The following CEACAM8 variants were observed in gnomAD, a reference collection of about 807,000 sequenced individuals.
The protein encoded by CEACAM8 is cell adhesion molecule CEACAM8.
A neutral mutation model predicts 33.4 loss-of-function variants in CEACAM8; 31 were observed. That is an observed-to-expected ratio of 0.93 (90% CI 0.70 to 1.25). The LOEUF (loss-of-function observed/expected upper bound fraction) is 1.25. Ranked by LOEUF, CEACAM8 falls within the 50% of genes most tolerant of loss-of-function variation. The probability of loss-of-function intolerance (pLI) is 0.00; values close to 1 mark genes in which losing one functional copy is unlikely to be tolerated. For missense variants in CEACAM8, 388 were observed against 434.6 expected (o/e 0.89, Z 0.95); for synonymous variants, 138 against 164.5 (o/e 0.84, Z 1.23).
At chr19:42,590,589 G>A (rs1407032499) in intron 2 of CEACAM8, among the ~76,000 whole-genome samples, 1 of 152,214 alleles carries the variant, frequency 6.6e-6, no homozygotes, top group Non-Finnish European at 1.5e-5. Flanking sequence ...TGGACCGTGG[G>A]TGTTTGACAG....
chr19:42,583,432 CTTGTTTT>C, intron 4 of CEACAM8, 95 bp from the exon 5 acceptor site: 1 of 772,626 alleles, frequency 1.3e-6, no homozygotes, highest in Non-Finnish European at 2.2e-6. Flanking sequence ...GTAGTCTCTA[CTTGTTTT>C]TTCAAGGAAT....
intron 1 of CEACAM8, 65 bp from the exon 2 acceptor site, chr19:42,593,965 A>T (rs1236285645): frequency 2.7e-5 from 40 of 1,503,730 alleles, no homozygotes; most frequent in Non-Finnish European, 3.3e-5. Context: ...AAATGGGGAC[A>T]TCAGCTTTGG....
intron 5 of CEACAM8, among the ~76,000 whole-genome samples, chr19:42,582,679 G>A (rs539594869): frequency 1.1e-4 from 16 of 152,296 alleles, no homozygotes; most frequent in African/African-American, 3.6e-4. Context: ...AGTGTAGGAA[G>A]ACAGTTCTAA....
intron 4 of CEACAM8, among the ~76,000 whole-genome samples, chr19:42,585,944 C>A (rs1187126995): frequency 1.3e-5 from 2 of 151,948 alleles, no homozygotes; most frequent in African/African-American, 4.8e-5. Context: ...TATACACTAA[C>A]AATGAACAAT....
intron 4 of CEACAM8, among the ~76,000 whole-genome samples, chr19:42,588,293 C>T (rs865852218): frequency 1.8e-4 from 27 of 152,314 alleles, no homozygotes; most frequent in African/African-American, 5.8e-4. Context: ...CACCAGGGAG[C>T]TGGGAGCAGA....
At position 42,589,694 on chromosome 19, in the gene CEACAM8, G is replaced by C. The variant is rs373787970; in HGVS notation, c.466C>G (p.Pro156Ala). 2 of 1,614,182 alleles carry C rather than the reference G, an allele frequency of 1.2e-6. No individual in the cohort carries two copies. The highest frequency in any genetic ancestry group is 2.2e-5 in the South Asian group (2 of 91,084). The change falls in exon 3 of 6, where the codon CCC (proline) becomes GCC (alanine). Residue 156 changes from proline (P) to alanine (A), a missense_variant. By Grantham distance (27) the Pro-to-Ala change is conservative. Coordinates refer to ENST00000244336, the MANE Select transcript of CEACAM8 (RefSeq NM_001816.4). ...KPSISSNNSN[P>A]VEDKDAVAFT... ...GCCACAGCATCCTTGTCCTCCACGG[G>C]GTTGGAGTTGTTGCTGGAGATGGAG...
chr19:42,587,531 T>C (rs984540200), intron 4 of CEACAM8, among the ~76,000 whole-genome samples: 2 of 152,202 alleles, frequency 1.3e-5, no homozygotes, highest in African/African-American at 4.8e-5. Flanking sequence ...TATATAAGGT[T>C]GTTAGAATAA....
chr19:42,591,210 A>G (rs975225034), intron 2 of CEACAM8, among the ~76,000 whole-genome samples: 1 of 152,236 alleles, frequency 6.6e-6, no homozygotes, highest in Non-Finnish European at 1.5e-5. Flanking sequence ...ATAAGTAGAA[A>G]TTGCTATTAA....
At chr19:42,587,022 A>G (rs1486675349) in intron 4 of CEACAM8, among the ~76,000 whole-genome samples, 1 of 152,190 alleles carries the variant, frequency 6.6e-6, no homozygotes, top group Non-Finnish European at 1.5e-5. Context: ...GCAAATCAGA[A>G]CCCCAATGAT....
chr19:42,593,631 C>T lies in CEACAM8; in HGVS notation c.334G>A (p.Val112Ile), dbSNP rs771698226. The T allele has an allele frequency of 3.4e-5, 55 of 1,613,564 alleles. No homozygotes were observed. The highest frequency in any genetic ancestry group is 9.9e-5 in the South Asian group (9 of 91,056). Reference protein sequence around the residue: ...YPNASLLMRNVTRNDTGSYTL... With the variant: ...YPNASLLMRNITRNDTGSYTL... ...TAGGATCCTGTGTCATTTCTGGTGA[C>T]GTTCCGCATCAGCAGGGATGCATTG... is the stretch of plus-strand genomic sequence containing the variant. The change falls in exon 2 of 6, where the codon GTC becomes ATC. Residue 112 changes from valine (V) to isoleucine (I), a missense_variant. Transcript: ENST00000244336.
rs1176859991 is a variant in CEACAM8, at chr19:42,580,463, C to A, written c.*931G>T. On this transcript the variant is annotated 3_prime_UTR_variant, in exon 6 of 6. Coordinates refer to ENST00000244336, the MANE Select transcript of CEACAM8 (RefSeq NM_001816.4). ...GGGTTGACACGATAGATTAGACACT[C>A]CGTTAATCTATCATTCTCTGTATTT... 6.6e-6 allele frequency: 1 copy of A among 152,202 alleles called. No individual in the cohort carries two copies. The highest frequency in any genetic ancestry group is 1.5e-5 in the Non-Finnish European group (1 of 68,042). 9.4% of individuals were successfully genotyped at this position (152,202 alleles called of 1,614,324 possible). A position where few individuals can be genotyped will look rare whatever the true frequency, so the allele number is the denominator to read the frequency against.
intron 4 of CEACAM8, among the ~76,000 whole-genome samples, chr19:42,586,376 TGCGTAAA>T (rs1353367995): frequency 6.6e-6 from 1 of 152,142 alleles, no homozygotes; most frequent in African/African-American, 2.4e-5. Context: ...ATGCAGTACT[TGCGTAAA>T]GGAAGACAGA....
intron 2 of CEACAM8, among the ~76,000 whole-genome samples, chr19:42,591,055 T>C (rs2042429921): frequency 6.6e-6 from 1 of 152,210 alleles, no homozygotes; most frequent in African/African-American, 2.4e-5. Context: ...GGCCAAAAAA[T>C]GTGGAATTTT....
In CEACAM8 at chr19:42,583,227, A is replaced by T; in HGVS notation, c.*19T>A. On this transcript the variant is annotated 3_prime_UTR_variant, in exon 5 of 6. Coordinates refer to ENST00000244336, the MANE Select transcript of CEACAM8 (RefSeq NM_001816.4). Reference sequence around the variant, plus strand: ...ATACCTGCCAGTCTTCTTGAAATGCAGAAACTACACCAGAGCTACTATATC... The same window carrying T: ...ATACCTGCCAGTCTTCTTGAAATGCTGAAACTACACCAGAGCTACTATATC... The T allele has an allele frequency of 6.6e-7, 1 of 1,520,322 alleles. No individual in the cohort carries two copies. The allele number at this position is 1,520,322 out of a possible 1,614,324, so 94.2% of individuals were successfully genotyped here.
chr19:42,584,399 G>C (rs893754756), intron 4 of CEACAM8, among the ~76,000 whole-genome samples: 1 of 152,084 alleles, frequency 6.6e-6, no homozygotes, highest in Non-Finnish European at 1.5e-5. Flanking sequence ...TAACTCTCTT[G>C]GGTAGAACAT....
intron 2 of CEACAM8, among the ~76,000 whole-genome samples, chr19:42,592,361 T>C (rs1479556624): frequency 6.6e-6 from 1 of 152,044 alleles, no homozygotes; most frequent in Non-Finnish European, 1.5e-5. Context: ...TCCCAGCATT[T>C]TGGGAGGCCG....
In CEACAM8 at chr19:42,593,700, T is replaced by C; in HGVS notation, c.265A>G (p.Ile89Val). Residue 89 changes from isoleucine (I) to valine (V), a missense_variant, in exon 2 of 6, where the codon ATT becomes GTT. Coordinates refer to ENST00000244336, the MANE Select transcript of CEACAM8 (RefSeq NM_001816.4). Reference sequence around the variant, plus strand: ...TTGCTGTATGCAGGCCCTGGGGTAATCTGTTGATTTGATATTACATATCCT... The same window carrying C: ...TTGCTGTATGCAGGCCCTGGGGTAACCTGTTGATTTGATATTACATATCCT... ...IIGYVISNQQ[I>V]TPGPAYSNRE... 1.2e-6 allele frequency: 2 copies of C among 1,614,092 alleles called. No individual in the cohort carries two copies. Among genetic ancestry groups the C allele is most frequent in the Non-Finnish European group, 1.7e-6 (2 of 1,179,978 alleles).
intron 4 of CEACAM8, among the ~76,000 whole-genome samples, chr19:42,586,099 A>G (rs180751598): frequency 6.6e-6 from 1 of 152,330 alleles, no homozygotes; most frequent in Non-Finnish European, 1.5e-5. Context: ...ATACGACCTC[A>G]AAAAATGGGA....
In CEACAM8 at chr19:42,589,443, C is replaced by T. The variant is rs748323731; in HGVS notation, c.703+14G>A. 8 of 1,613,990 alleles carry T rather than the reference C, an allele frequency of 5.0e-6. No homozygotes were observed. The South Asian group carries it at 6.6e-5, about 13-fold the overall frequency. On this transcript the variant is annotated intron_variant, in intron 3 of 5. Coordinates refer to ENST00000244336, the MANE Select transcript of CEACAM8 (RefSeq NM_001816.4). Reference sequence around the variant, plus strand: ...GCTGGTGGCCTGGGCCACAGAGGAACAGAAGATACTCACAGAGGACATTCA... The same window carrying T: ...GCTGGTGGCCTGGGCCACAGAGGAATAGAAGATACTCACAGAGGACATTCA...
Sources: allele counts gnomAD v4.1 joint callset (sites outside exome capture counted in the v4.1 genomes callset), GRCh38; gene constraint gnomAD v4.1.1; transcripts MANE v1.5; gene names NCBI Gene and HGNC (gene_info 2026-07-23, HGNC 2026-07-21).